Variants in ZNF33B observed in about 807,000 individuals in gnomAD.
ZNF33B encodes the protein zinc finger protein 11b (KOX 2).
ZNF33B carries 29 observed loss-of-function variants against 45.8 expected under a neutral mutation model. The observed-to-expected ratio is 0.63, with a 90% CI of 0.47 to 0.86. The LOEUF is 0.86. ZNF33B is among the 40% of genes least tolerant of loss of function. ZNF33B has a pLI of 0.00. For synonymous variants in ZNF33B, 305 were observed against 307.8 expected (o/e 0.99, Z 0.10); for missense variants, 831 against 909.9 (o/e 0.91, Z 1.12).
chr10:42,591,861 C>T lies in ZNF33B; in HGVS notation c.*752G>A, dbSNP rs1489731648. On this transcript the variant is annotated 3_prime_UTR_variant, in exon 5 of 5. Transcript: ENST00000359467. ...ATCCTGAAACAGTACAGATCTCAGA[C>T]TCCTTTTCCATTCTGTAAACTAATT... 1 of 152,410 alleles carries T rather than the reference C, an allele frequency of 6.6e-6. No individual in the cohort carries two copies. Among genetic ancestry groups the T allele is most frequent in the Non-Finnish European group, 1.5e-5 (1 of 68,190 alleles). The allele number at this position is 152,410 out of a possible 1,614,324, so 9.4% of individuals were successfully genotyped here. A position where few individuals can be genotyped will look rare whatever the true frequency, so the allele number is the denominator to read the frequency against.
At position 42,593,902 on chromosome 10, in the gene ZNF33B, C is replaced by A. The variant is rs779178628; in HGVS notation, c.1048G>T (p.Val350Leu). The A allele has an allele frequency of 6.2e-7, 1 of 1,614,004 alleles. No individual in the cohort carries two copies. Among genetic ancestry groups the A allele is most frequent in the Admixed American group, 1.7e-5 (1 of 60,014 alleles). ...TGAAAGTGTTTCTCTCCTGTGTGCA[C>A]CCTCTGATGTCGAGTGAGATGTGAC... ...EKSHLTRHQR[V>L]HTGEKHFQCN... Residue 350 changes from valine to leucine, a missense_variant, in exon 5 of 5, where the codon GTG becomes TTG. Coordinates refer to ENST00000359467, the MANE Select transcript of ZNF33B (RefSeq NM_006955.3).
At chr10:42,587,503 TC>T (rs1303363009), downstream of ZNF33B, among the ~76,000 whole-genome samples, 1 of 152,100 alleles carries the variant, frequency 6.6e-6, no homozygotes, top group Non-Finnish European at 1.5e-5. Context: ...TGGGATTTGT[TC>T]TTGGCTTCTC....
At chr10:42,602,561 A>G (rs374864041) in intron 4 of ZNF33B, among the ~76,000 whole-genome samples, 31 of 152,266 alleles carry the variant, frequency 2.0e-4, no homozygotes, top group Admixed American at 5.2e-4. Flanking sequence ...TTGGCTTCCT[A>G]TAAGTATTTT....
At chr10:42,587,420 C>T (rs1457982331), downstream of ZNF33B, among the ~76,000 whole-genome samples, 3 of 152,126 alleles carry the variant, frequency 2.0e-5, no homozygotes, top group Admixed American at 1.3e-4. Context: ...TGATCTTGAA[C>T]TCCTGACCTC....
intron 4 of ZNF33B, among the ~76,000 whole-genome samples, chr10:42,595,544 C>T (rs1171720783): frequency 6.6e-6 from 1 of 152,150 alleles, no homozygotes; most frequent in East Asian, 1.9e-4. Context: ...TATGTTAAAA[C>T]CCCAACCTCC....
chr10:42,585,362 G>A (rs1836911900), downstream of ZNF33B, among the ~76,000 whole-genome samples: 2 of 152,180 alleles, frequency 1.3e-5, no homozygotes, highest in African/African-American at 4.8e-5. Context: ...ACTGAACCAA[G>A]GTGAAAATAG....
chr10:42,581,182 C>A (rs1836816863), intron 1 of ZNF33B, among the ~76,000 whole-genome samples: 1 of 152,050 alleles, frequency 6.6e-6, no homozygotes, highest in African/African-American at 2.4e-5. Flanking sequence ...TACATCAAAT[C>A]CAAGAATGAA....
chr10:42,632,584 A>T, intron 2 of ZNF33B, 145 bp from the exon 3 acceptor site: 1 of 1,142,932 alleles, frequency 8.7e-7, no homozygotes, highest in Admixed American at 3.1e-5. Flanking sequence ...TAATGCATTA[A>T]GATATTAATT....
At chr10:42,615,071 T>C (rs1589050980) in intron 4 of ZNF33B, among the ~76,000 whole-genome samples, 1 of 152,044 alleles carries the variant, frequency 6.6e-6, no homozygotes, top group East Asian at 1.9e-4. Flanking sequence ...ATAATATTAA[T>C]AAAAAGTGTT....
At position 42,592,811 on chromosome 10, in the gene ZNF33B, C is replaced by A; in HGVS notation, c.2139G>T (p.Arg713Ser). 1 of 1,613,992 alleles carries A rather than the reference C, an allele frequency of 6.2e-7. No homozygotes were observed. The highest frequency in any genetic ancestry group is 8.5e-7 in the Non-Finnish European group (1 of 1,179,976). Residue 713 changes from arginine (R) to serine (S), a missense_variant, in exon 5 of 5, where the codon AGG becomes AGT. Physicochemically the swap from Arg to Ser is moderately radical, Grantham distance 110 (BLOSUM62 -1). Transcript: ENST00000359467. ...SHKSSLTVHHRAHTGEKSCQC... is the reference protein window; with the variant it reads ...SHKSSLTVHHSAHTGEKSCQC... Reference sequence around the variant, plus strand: ...GACAAGATTTCTCTCCTGTGTGAGCCCTGTGATGTACTGTGAGTGATGATT... The same window carrying A: ...GACAAGATTTCTCTCCTGTGTGAGCACTGTGATGTACTGTGAGTGATGATT...
At chr10:42,636,866 C>A (rs1239453328) in intron 2 of ZNF33B, 54 bp downstream of exon 2, 2 of 1,612,052 alleles carry the variant, frequency 1.2e-6, no homozygotes, top group South Asian at 1.1e-5. Context: ...CTGACTCTTA[C>A]AAATCTCACA....
chr10:42,597,647 T>A (rs1837457054), intron 4 of ZNF33B, among the ~76,000 whole-genome samples: 2 of 152,146 alleles, frequency 1.3e-5, no homozygotes, highest in Admixed American at 1.3e-4. Context: ...TTTCAGCTGA[T>A]GCAATCATTA....
At chr10:42,627,833 T>TA (rs113057314) in intron 4 of ZNF33B, among the ~76,000 whole-genome samples, 10,706 of 152,220 alleles carry the variant, frequency 0.07, 694 homozygotes, top group African/African-American at 0.17. Context: ...TATATTTCCC[T>TA]ATTGTCATTC....
chr10:42,620,534 C>T (rs1294394661), intron 4 of ZNF33B, among the ~76,000 whole-genome samples: 12 of 151,700 alleles, frequency 7.9e-5, no homozygotes, highest in African/African-American at 2.9e-4. Flanking sequence ...TCCCAAGTAG[C>T]TGGAACCACA....
intron 4 of ZNF33B, among the ~76,000 whole-genome samples, chr10:42,601,568 T>C (rs1480307863): frequency 4.1e-5 from 6 of 147,212 alleles, no homozygotes; most frequent in Non-Finnish European, 6.0e-5. Flanking sequence ...CTGCCTCCCA[T>C]GTTCAGGTGA....
intron 4 of ZNF33B, among the ~76,000 whole-genome samples, chr10:42,630,272 T>C (rs1838991379): frequency 6.6e-6 from 1 of 152,188 alleles, no homozygotes. Context: ...AATAGTGCTT[T>C]CCCCTCAGTA....
Position 42,593,914 on chromosome 10 carries a change from G to T in ZNF33B, c.1036C>A (p.Arg346=). Residue 346 remains arginine (R), a synonymous_variant, in exon 5 of 5, where the codon CGA becomes AGA. Coordinates refer to ENST00000359467, the MANE Select transcript of ZNF33B (RefSeq NM_006955.3). ...TCTCCTGTGTGCACCCTCTGATGTCGAGTGAGATGTGACTTCTCCCAGAAA... is the reference window on the plus strand; with the variant it reads ...TCTCCTGTGTGCACCCTCTGATGTCTAGTGAGATGTGACTTCTCCCAGAAA... The part of the protein sequence containing the change: ...KAFWEKSHLT[R]HQRVHTGEKH... The T allele has an allele frequency of 6.2e-7, 1 of 1,613,736 alleles. No individual in the cohort carries two copies. Among genetic ancestry groups the T allele is most frequent in the East Asian group, 2.2e-5 (1 of 44,868 alleles).
chr10:42,627,520 A>G (rs1002498362), intron 4 of ZNF33B, among the ~76,000 whole-genome samples: 12 of 151,948 alleles, frequency 7.9e-5, no homozygotes, highest in African/African-American at 2.7e-4. Context: ...CCTATTTTCA[A>G]TTTTACTGAT....
At chr10:42,632,644 C>G (rs533251592) in intron 2 of ZNF33B, among the ~76,000 whole-genome samples, 2 of 152,312 alleles carry the variant, frequency 1.3e-5, no homozygotes, top group African/African-American at 4.8e-5. Flanking sequence ...ACTATCATCA[C>G]TCCTGGCAAC....
Sources: allele counts gnomAD v4.1 joint callset (sites outside exome capture counted in the v4.1 genomes callset), GRCh38; gene constraint gnomAD v4.1.1; transcripts MANE v1.5; gene names NCBI Gene and HGNC (gene_info 2026-07-23, HGNC 2026-07-21).